ANKRD62: variants seen among roughly 807,000 people sequenced by gnomAD.
The protein encoded by ANKRD62 is ankyrin repeat domain 62.
In ANKRD62, 61 loss-of-function variants were observed where a neutral mutation model predicts 98.8. The ratio of observed to expected loss-of-function variants is 0.62; its 90% CI spans 0.50 to 0.76. The LOEUF (loss-of-function observed/expected upper bound fraction) is 0.76. Among genes scored for constraint, ANKRD62 ranks in the 30% least tolerant of loss-of-function variants. ANKRD62 has a pLI of 0.00. For synonymous variants in ANKRD62, 341 were observed against 367.9 expected (o/e 0.93, Z 0.84); for missense variants, 933 against 1,082.9 (o/e 0.86, Z 1.94).
At chr18:12,117,034 TTA>T (rs1909679394) in intron 10 of ANKRD62, among the ~76,000 whole-genome samples, 1 of 152,194 alleles carries the variant, frequency 6.6e-6, no homozygotes, top group Non-Finnish European at 1.5e-5. Context: ...GCTTAAAAAT[TTA>T]GTCTGATTGT....
intron 8 of ANKRD62, among the ~76,000 whole-genome samples, 192 bp from the exon 9 acceptor site, chr18:12,114,896 C>G (rs1295295775): frequency 1.3e-5 from 2 of 151,922 alleles, no homozygotes; most frequent in Non-Finnish European, 2.9e-5. Flanking sequence ...TAGTGCTACC[C>G]TTTCCATTTA....
At chr18:12,150,096 A>G in the ANKRD62 span, among the ~76,000 whole-genome samples, 1 of 152,260 alleles carries the variant, frequency 6.6e-6, no homozygotes, top group Admixed American at 6.5e-5. Flanking sequence ...GGAAAAAAAA[A>G]CACCACCACC....
the ANKRD62 span, among the ~76,000 whole-genome samples, chr18:12,178,169 A>G: frequency 2.6e-5 from 4 of 151,506 alleles, 1 homozygote; most frequent in Admixed American, 1.3e-4. Flanking sequence ...GGAGAAAGTG[A>G]CATGTAAGGC....
rs1986751 is a variant in ANKRD62, at chr18:12,096,250, G to T, written c.562G>T (p.Ala188Ser). ...AAATAGGAAAAAAGAGCAAATGGTG[G>T]CATTTTTGTTGAAGAAAAAACCAGA... is the stretch of plus-strand genomic sequence containing the variant. ...AVNRKKEQMV[A>S]FLLKKKPDLT... Residue 188 changes from alanine to serine, a missense_variant, in exon 4 of 14, where the codon GCA (alanine) becomes TCA (serine). Ala to Ser is a moderately conservative substitution (Grantham distance 99). Coordinates refer to ENST00000587848, the MANE Select transcript of ANKRD62 (RefSeq NM_001277333.2). The T allele has an allele frequency of 0.63, 969,578 of 1,533,706 alleles. 311,906 individuals are homozygous for T. The highest frequency in any genetic ancestry group is 0.7 in the Middle Eastern group (4,166 of 5,976).
At chr18:12,162,612 A>G in the ANKRD62 span, among the ~76,000 whole-genome samples, 1 of 151,860 alleles carries the variant, frequency 6.6e-6, no homozygotes, top group Non-Finnish European at 1.5e-5. Context: ...TGTCCTAGAG[A>G]GTTTCCCTGT....
intron 3 of ANKRD62, 147 bp downstream of exon 3, chr18:12,095,757 A>G: frequency 3.8e-6 from 3 of 796,504 alleles, no homozygotes. Context: ...TTAAAAATAC[A>G]TTCATAACAA....
the ANKRD62 span, among the ~76,000 whole-genome samples, chr18:12,145,840 C>A: frequency 1.3e-5 from 2 of 151,908 alleles, no homozygotes; most frequent in Non-Finnish European, 2.9e-5. Context: ...AGGCTGCTTT[C>A]TTAAGCATGT....
At chr18:12,106,703 A>G (rs1909419920) in intron 7 of ANKRD62, among the ~76,000 whole-genome samples, 1 of 152,202 alleles carries the variant, frequency 6.6e-6, no homozygotes, top group Non-Finnish European at 1.5e-5. Context: ...CTAAAGTAGC[A>G]TCTCAGCAGT....
At chr18:12,137,210 G>C in the ANKRD62 span, among the ~76,000 whole-genome samples, 1 of 152,140 alleles carries the variant, frequency 6.6e-6, no homozygotes, top group Non-Finnish European at 1.5e-5. Flanking sequence ...TTATTATTTT[G>C]AGATATGTCC....
chr18:12,106,370 G>A (rs1909413913), intron 7 of ANKRD62, among the ~76,000 whole-genome samples: 1 of 152,108 alleles, frequency 6.6e-6, no homozygotes, highest in Non-Finnish European at 1.5e-5. Context: ...AAAATCTGGT[G>A]ATGTTCATCT....
chr18:12,106,341 C>T (rs1048691387), intron 7 of ANKRD62, among the ~76,000 whole-genome samples: 2 of 152,000 alleles, frequency 1.3e-5, no homozygotes, highest in Non-Finnish European at 2.9e-5. Flanking sequence ...TTCGGTACAT[C>T]GAGTTTTAAA....
chr18:12,101,517 G>T (rs1909298914), intron 6 of ANKRD62, among the ~76,000 whole-genome samples: 1 of 152,198 alleles, frequency 6.6e-6, no homozygotes, highest in African/African-American at 2.4e-5. Context: ...GTAACCATCA[G>T]TAGGTGGTAT....
chr18:12,106,822 G>A (rs551569335), intron 7 of ANKRD62, among the ~76,000 whole-genome samples: 177 of 152,188 alleles, frequency 1.2e-3, no homozygotes, highest in African/African-American at 4.1e-3. Context: ...AAAGACAGTG[G>A]GAAAAGAAAG....
At chr18:12,154,027 A>G in the ANKRD62 span, among the ~76,000 whole-genome samples, 1 of 152,232 alleles carries the variant, frequency 6.6e-6, no homozygotes, top group Non-Finnish European at 1.5e-5. Context: ...AGGCAATACC[A>G]TCCCAGACAT....
chr18:12,175,111 G>A, the ANKRD62 span, among the ~76,000 whole-genome samples: 3 of 152,240 alleles, frequency 2.0e-5, no homozygotes, highest in Non-Finnish European at 4.4e-5. Flanking sequence ...GGGAAGGGTA[G>A]GGGGCTGCTG....
At chr18:12,107,845 A>G (rs1430286052) in intron 8 of ANKRD62, among the ~76,000 whole-genome samples, 2 of 152,106 alleles carry the variant, frequency 1.3e-5, no homozygotes, top group African/African-American at 4.8e-5. Flanking sequence ...TTACACATAC[A>G]CACAAGCAGT....
chr18:12,139,641 A>G, the ANKRD62 span, among the ~76,000 whole-genome samples: 1 of 151,394 alleles, frequency 6.6e-6, no homozygotes, highest in Non-Finnish European at 1.5e-5. Flanking sequence ...GTAAGACTCC[A>G]TCTCAAAAAA....
the ANKRD62 span, among the ~76,000 whole-genome samples, chr18:12,136,315 G>T: frequency 1.3e-5 from 2 of 151,842 alleles, no homozygotes; most frequent in Non-Finnish European, 2.9e-5. Context: ...TTTCCCCATT[G>T]CTTGTTTTTG....
chr18:12,160,749 T>A, the ANKRD62 span, among the ~76,000 whole-genome samples: 10 of 152,314 alleles, frequency 6.6e-5, no homozygotes, highest in African/African-American at 2.4e-4. Context: ...ATGAAATTGA[T>A]GTTTTGCAAC....
Sources: gnomAD v4.1 joint callset for allele counts (sites outside exome capture counted in the v4.1 genomes callset) on GRCh38, gnomAD v4.1.1 for gene constraint, MANE v1.5 for transcripts, NCBI Gene and HGNC (gene_info 2026-07-23, HGNC 2026-07-21) for gene names.